Variants in ARID1B observed in about 807,000 individuals in gnomAD.
The protein encoded by ARID1B is AT-rich interactive domain-containing protein 1B.
A neutral mutation model predicts 212.3 loss-of-function variants in ARID1B; 30 were observed. That is an observed-to-expected ratio of 0.14 (90% CI 0.11 to 0.19). The LOEUF (loss-of-function observed/expected upper bound fraction) is 0.19, where lower values mean the gene tolerates loss of function less well. ARID1B is among the 10% of genes least tolerant of loss of function. The pLI, the probability that ARID1B is intolerant of heterozygous loss-of-function variation, is 1.00. For synonymous variants in ARID1B, 1,402 were observed against 1,301.7 expected (o/e 1.08, Z -1.66); for missense variants, 2,891 against 3,204.0 (o/e 0.90, Z 2.36).
intron 4 of ARID1B, chr6:156,943,099 C>T (rs929831284): frequency 3.3e-5 from 5 of 152,150 alleles, no homozygotes; most frequent in Admixed American, 1.3e-4. Flanking sequence ...TCCCATTCTT[C>T]CCTCACAATG....
chr6:156,982,641 G>C (rs901905347), intron 4 of ARID1B, among the ~76,000 whole-genome samples: 1 of 151,878 alleles, frequency 6.6e-6, no homozygotes, highest in African/African-American at 2.4e-5. Flanking sequence ...CTGCGTGGGA[G>C]ATAACCTTGA....
In ARID1B at chr6:156,955,828, G is replaced by T. The variant is rs1187836116; in HGVS notation, c.2247+20252G>T. ...TAGAAATGAAGTAGCCCCATTTCAG[G>T]GGCCTAAGATTTTAGGGAGGAGGGC... On this transcript the variant is annotated intron_variant, in intron 4 of 19. Transcript: ENST00000636930. The surrounding 1 kb of genome is among the most constrained non-coding windows in gnomAD (Gnocchi z 4.2). Among the ~76,000 whole-genome samples the T allele has an allele frequency of 6.6e-6, 1 of 152,140 alleles. No individual in the cohort carries two copies. Among genetic ancestry groups the T allele is most frequent in the Non-Finnish European group, 1.5e-5 (1 of 68,016 alleles).
intron 2 of ARID1B, among the ~76,000 whole-genome samples, chr6:156,840,135 A>AC (rs1783792515): frequency 6.6e-6 from 1 of 151,948 alleles, no homozygotes; most frequent in African/African-American, 2.4e-5. Flanking sequence ...CTTCCTTCCC[A>AC]CCGTCTGGGC....
chr6:157,007,737 T>C (rs1779329865), intron 4 of ARID1B, among the ~76,000 whole-genome samples: 1 of 140,738 alleles, frequency 7.1e-6, no homozygotes, highest in African/African-American at 2.5e-5. Flanking sequence ...TTTTTTTTTT[T>C]TTTTTTCCCC....
intron 4 of ARID1B, among the ~76,000 whole-genome samples, chr6:157,010,276 CTGTTT>C (rs1424508764): frequency 8.1e-6 from 1 of 122,804 alleles, no homozygotes; most frequent in Non-Finnish European, 1.7e-5. Context: ...TATGCATTGC[CTGTTT>C]TTTTTTTTTT....
In ARID1B at chr6:157,207,298, C is replaced by G. The variant is rs747638224; in HGVS notation, c.6526C>G (p.Leu2176Val). 6.2e-7 allele frequency: 1 copy of G among 1,614,092 alleles called. No homozygotes were observed. Among genetic ancestry groups the G allele is most frequent in the Admixed American group, 1.7e-5 (1 of 60,010 alleles). The change falls in exon 20 of 20, where the codon CTG becomes GTG. Residue 2176 changes from leucine to valine, a missense_variant. By Grantham distance (32) the Leu-to-Val change is conservative. Coordinates refer to ENST00000636930, the MANE Select transcript of ARID1B (RefSeq NM_001374828.1). This position sits in a 1 kb window ranked among gnomAD's most constrained non-coding sequence, Gnocchi z 8.5. ...CTGCTTGCCAATTTTGGATGGCTTG[C>G]TGCACTGGATGGTGTGCCCGTCTGC... ...SICLPILDGL[L>V]HWMVCPSAEA...
intron 1 of ARID1B, among the ~76,000 whole-genome samples, chr6:156,788,829 C>CT (rs1242813447): frequency 1.3e-5 from 2 of 152,136 alleles, no homozygotes; most frequent in African/African-American, 2.4e-5. Flanking sequence ...ATTTATAAAA[C>CT]TATCAGGGAC....
chr6:156,783,720 A>G (rs1779438699), intron 1 of ARID1B, among the ~76,000 whole-genome samples: 1 of 152,052 alleles, frequency 6.6e-6, no homozygotes, highest in South Asian at 2.1e-4. Flanking sequence ...CCGTTTGGAG[A>G]CTCACTGGGG....
chr6:157,011,539 C>T (rs1017818158), intron 4 of ARID1B, among the ~76,000 whole-genome samples: 2 of 152,086 alleles, frequency 1.3e-5, no homozygotes, highest in Admixed American at 6.5e-5. Flanking sequence ...GATATAAATT[C>T]ATTTTAAAGT....
At chr6:157,056,041 C>G (rs1267715973) in intron 4 of ARID1B, among the ~76,000 whole-genome samples, 1 of 152,200 alleles carries the variant, frequency 6.6e-6, no homozygotes, top group East Asian at 1.9e-4. Flanking sequence ...TTATTAACAC[C>G]AAAGTCAACT....
chr6:156,803,471 T>C (rs1215431060), intron 1 of ARID1B, among the ~76,000 whole-genome samples: 3 of 152,146 alleles, frequency 2.0e-5, no homozygotes, highest in Admixed American at 1.3e-4. Context: ...TCTTTATCCA[T>C]CCACCATCTT....
At chr6:156,819,574 CAG>C (rs1188056208) in intron 1 of ARID1B, among the ~76,000 whole-genome samples, 1 of 152,210 alleles carries the variant, frequency 6.6e-6, no homozygotes, top group Non-Finnish European at 1.5e-5. Context: ...TTATAAAAAT[CAG>C]GGAAAAACTA....
chr6:156,893,323 G>A (rs1788111012), intron 2 of ARID1B, among the ~76,000 whole-genome samples: 1 of 152,120 alleles, frequency 6.6e-6, no homozygotes, highest in Admixed American at 6.5e-5. Context: ...ACTGTACCTG[G>A]CTATAAAACT....
Position 157,209,599 on chromosome 6 carries a change from C to T in ARID1B, c.*1708C>T, listed in dbSNP as rs1794674020. The T allele has an allele frequency of 1.7e-5, 4 of 233,046 alleles. No homozygotes were observed. The highest frequency in any genetic ancestry group is 5.6e-5 in the Admixed American group (1 of 17,780). 14.4% of individuals were successfully genotyped at this position (233,046 alleles called of 1,614,324 possible). On this transcript the variant is annotated 3_prime_UTR_variant, in exon 20 of 20. Coordinates refer to ENST00000636930, the MANE Select transcript of ARID1B (RefSeq NM_001374828.1). ...AATGTAACATTCTGCCTTTTACTAACTCCATCTTAGTTTAATCAAAGTTCA... is the reference window on the plus strand; with the variant it reads ...AATGTAACATTCTGCCTTTTACTAATTCCATCTTAGTTTAATCAAAGTTCA...
intron 7 of ARID1B, among the ~76,000 whole-genome samples, chr6:157,139,515 G>C (rs1050937995): frequency 2.0e-5 from 3 of 152,146 alleles, no homozygotes; most frequent in African/African-American, 4.8e-5. Flanking sequence ...CCTGCAGGGG[G>C]TGCCTTTCCC....
At chr6:156,959,976 G>A (rs1583030808) in intron 4 of ARID1B, among the ~76,000 whole-genome samples, 2 of 144,666 alleles carry the variant, frequency 1.4e-5, no homozygotes, top group East Asian at 2.1e-4. Context: ...TGTCGCCCTG[G>A]CTGGAGTGCA....
At chr6:157,101,537 A>G (rs1267895328) in intron 5 of ARID1B, among the ~76,000 whole-genome samples, 1 of 152,218 alleles carries the variant, frequency 6.6e-6, no homozygotes, top group East Asian at 1.9e-4. Context: ...CCAAATTTCC[A>G]TGGTTTCACA....
chr6:157,004,541 A>G (rs1419545683), intron 4 of ARID1B, among the ~76,000 whole-genome samples: 1 of 152,250 alleles, frequency 6.6e-6, no homozygotes, highest in Non-Finnish European at 1.5e-5. Flanking sequence ...TATTAATTTC[A>G]TTTCACAGAT....
chr6:156,896,143 C>T (rs1788364456), intron 2 of ARID1B, among the ~76,000 whole-genome samples: 1 of 152,116 alleles, frequency 6.6e-6, no homozygotes, highest in Non-Finnish European at 1.5e-5. Flanking sequence ...AGATTTTGTC[C>T]TCTTCTGTCA....
Sources: allele counts gnomAD v4.1 joint callset (sites outside exome capture counted in the v4.1 genomes callset), GRCh38; gene constraint gnomAD v4.1.1; non-coding constraint Gnocchi (gnomAD v3.1); transcripts MANE v1.5; gene names NCBI Gene and HGNC (gene_info 2026-07-23, HGNC 2026-07-21).